The following ZNF570 variants were observed in gnomAD, a reference collection of about 807,000 sequenced individuals.
ZNF570 encodes the protein zinc finger protein 570.
Under a neutral mutation model 14.2 loss-of-function variants are expected in ZNF570, and 8 were observed. The observed-to-expected ratio is 0.56, with a 90% CI of 0.33 to 1.02. ZNF570 has a LOEUF of 1.02. Among genes scored for constraint, ZNF570 ranks in the 50% least tolerant of loss-of-function variants. The pLI, the probability that ZNF570 is intolerant of heterozygous loss-of-function variation, is 0.03. For missense variants in ZNF570, 559 were observed against 624.9 expected (o/e 0.89, Z 1.12); for synonymous variants, 202 against 207.6 (o/e 0.97, Z 0.23).
At chr19:37,476,300 A>G (rs1406709064) in intron 3 of ZNF570, 39 bp from the exon 4 acceptor site, 2 of 1,607,856 alleles carry the variant, frequency 1.2e-6, no homozygotes, top group Admixed American at 3.4e-5. Flanking sequence ...GAATATCCAC[A>G]GCATGACAAA....
In ZNF570 at chr19:37,488,053, G is replaced by A. The variant is rs2042174859; in HGVS notation, c.*2820G>A. On this transcript the variant is annotated 3_prime_UTR_variant, in exon 5 of 5. Transcript: ENST00000330173. The stretch of plus-strand genomic sequence containing the variant: ...GTTGTGTTTAGCATAATTTGGCAAT[G>A]TCTAGTAAAGTTGAAGATGTGAATA... 6.6e-6 allele frequency: 1 copy of A among 152,216 alleles called. No homozygotes were observed. Among genetic ancestry groups the A allele is most frequent in the Non-Finnish European group, 1.5e-5 (1 of 68,040 alleles). The allele number at this position is 152,216 out of a possible 1,614,324, so 9.4% of individuals were successfully genotyped here. A position where few individuals can be genotyped will look rare whatever the true frequency, so the allele number is the denominator to read the frequency against.
chr19:37,474,974 T>G (rs913482047), intron 2 of ZNF570, among the ~76,000 whole-genome samples: 22 of 151,424 alleles, frequency 1.5e-4, no homozygotes, highest in African/African-American at 2.7e-4. Flanking sequence ...TTTGTTTTTT[T>G]TTTTTTTGAG....
intron 2 of ZNF570, among the ~76,000 whole-genome samples, chr19:37,475,198 A>G (rs1361644231): frequency 6.6e-6 from 1 of 152,096 alleles, no homozygotes; most frequent in East Asian, 1.9e-4. Flanking sequence ...TCCTAAACTC[A>G]GGTGATCCAC....
chr19:37,469,399 G>T lies in ZNF570; in HGVS notation c.-210G>T. The T allele has an allele frequency of 6.6e-7, 1 of 1,513,872 alleles. No individual in the cohort carries two copies. The highest frequency in any genetic ancestry group is 8.8e-7 in the Non-Finnish European group (1 of 1,133,130). The allele number at this position is 1,513,872 out of a possible 1,614,324, so 93.8% of individuals were successfully genotyped here. ...AAGGGCTGGGTTCCATCCAACTAAG[G>T]GTAGCGGTGAGACCCGAGTGCAGAT... On this transcript the variant is annotated 5_prime_UTR_variant, in exon 1 of 5. Coordinates refer to ENST00000330173, the MANE Select transcript of ZNF570 (RefSeq NM_144694.5).
intron 2 of ZNF570, among the ~76,000 whole-genome samples, chr19:37,470,780 A>T (rs1238195526): frequency 1.4e-5 from 2 of 147,278 alleles, no homozygotes; most frequent in Non-Finnish European, 3.0e-5. Context: ...GCTCACGGCA[A>T]CATCCACCTC....
intron 2 of ZNF570, among the ~76,000 whole-genome samples, chr19:37,472,566 C>T (rs552872405): frequency 6.6e-6 from 1 of 151,954 alleles, no homozygotes; most frequent in East Asian, 1.9e-4. Flanking sequence ...CATGCAGAAA[C>T]CCCGTCTCTA....
At chr19:37,483,054 G>A (rs781611115) in intron 4 of ZNF570, among the ~76,000 whole-genome samples, 4 of 151,976 alleles carry the variant, frequency 2.6e-5, no homozygotes, top group East Asian at 1.9e-4. Flanking sequence ...CTAATACACC[G>A]TCCCTCTCAG....
chr19:37,487,834 G>A lies in ZNF570; in HGVS notation c.*2601G>A, dbSNP rs1001978196. 6.6e-6 allele frequency: 1 copy of A among 152,146 alleles called. No homozygotes were observed. The highest frequency in any genetic ancestry group is 2.4e-5 in the African/African-American group (1 of 41,438). The allele number at this position is 152,146 out of a possible 1,614,324, so 9.4% of individuals were successfully genotyped here. On this transcript the variant is annotated 3_prime_UTR_variant, in exon 5 of 5. Transcript: ENST00000330173. ...TTTGTAGAAACTGCATATGATGATG[G>A]TTCATACCAGTAGAGAGAAAGATTG...
At chr19:37,472,509 G>C (rs552512437) in intron 2 of ZNF570, among the ~76,000 whole-genome samples, 1 of 152,168 alleles carries the variant, frequency 6.6e-6, no homozygotes, top group South Asian at 2.1e-4. Context: ...TGGAGACCGA[G>C]GTGGGCGGAT....
chr19:37,472,395 GT>G (rs2041976336), intron 2 of ZNF570, among the ~76,000 whole-genome samples: 1 of 150,972 alleles, frequency 6.6e-6, no homozygotes, highest in African/African-American at 2.4e-5. Context: ...ATAGGCGGGG[GT>G]GGGTGGAAGT....
At chr19:37,472,200 G>A (rs957889277) in intron 2 of ZNF570, among the ~76,000 whole-genome samples, 3 of 151,918 alleles carry the variant, frequency 2.0e-5, no homozygotes, top group Admixed American at 6.6e-5. Flanking sequence ...CATCGCACTC[G>A]GCCCAGAGAA....
chr19:37,477,288 C>CGTGT (rs71177457), intron 4 of ZNF570, among the ~76,000 whole-genome samples: 5,689 of 115,366 alleles, frequency 0.049, 255 homozygotes, highest in African/African-American at 0.12. Context: ...GGGAGGTTGT[C>CGTGT]GTGTGTGTGT....
rs1403087116 is a variant in ZNF570 at position 37,484,451 on chromosome 19, A to T, written c.829A>T (p.Lys277Ter). 2 of 1,614,016 alleles carry T rather than the reference A, an allele frequency of 1.2e-6. No homozygotes were observed. Among genetic ancestry groups the T allele is most frequent in the Non-Finnish European group, 1.7e-6 (2 of 1,179,978 alleles). The change falls in exon 5 of 5, where the codon AAG becomes TAG. Residue 277 changes from lysine to a stop codon, truncating the protein, a stop_gained. Transcript: ENST00000330173. LOFTEE classifies it low-confidence loss of function (END_TRUNC). ...TACTGGAGAAAAACCCTATGAATGT[A>T]AGGAATGTAGGAAAGCCTTCAGTCA... ...IHTGEKPYEC[K>*]ECRKAFSQNA...
chr19:37,471,597 C>T (rs970451498), intron 2 of ZNF570, among the ~76,000 whole-genome samples: 1 of 152,126 alleles, frequency 6.6e-6, no homozygotes. Context: ...CAGCCCAGAC[C>T]TCTCTCTTGA....
At position 37,485,059 on chromosome 19, in the gene ZNF570, T is replaced by TA. The variant is rs1568773548; in HGVS notation, c.1438dup (p.Ser480LysfsTer20). The TA allele has an allele frequency of 6.2e-7, 1 of 1,614,034 alleles. No individual in the cohort carries two copies. Among genetic ancestry groups the TA allele is most frequent in the Admixed American group, 1.7e-5 (1 of 60,010 alleles). On this transcript the variant is annotated frameshift_variant, in exon 5 of 5. Transcript: ENST00000330173. LOFTEE classifies it high-confidence loss of function. ...AATGTACTGTTTGTGGAAAGGCTTT[T>TA]AGTTACTGTGGATCCCTTGCCCAAC...
At chr19:37,483,419 T>C (rs1055006677) in intron 4 of ZNF570, among the ~76,000 whole-genome samples, 2 of 152,190 alleles carry the variant, frequency 1.3e-5, no homozygotes, top group Non-Finnish European at 2.9e-5. Flanking sequence ...AAAATGAAAT[T>C]TACTTATTTA....
intron 4 of ZNF570, among the ~76,000 whole-genome samples, chr19:37,477,808 T>C (rs1452661713): frequency 1.3e-5 from 2 of 152,346 alleles, no homozygotes; most frequent in South Asian, 2.1e-4. Context: ...CTGTATCTTA[T>C]GGAAAACCAA....
At chr19:37,469,579 G>A (rs2041919059) in intron 1 of ZNF570, 22 bp downstream of exon 1, 3 of 1,534,610 alleles carry the variant, frequency 2.0e-6, no homozygotes, top group African/African-American at 2.7e-5. Flanking sequence ...TCAGTGCGAG[G>A]CTGTCACCCC....
Position 37,475,874 on chromosome 19 carries a change from A to C in ZNF570, c.34-7A>C. The C allele has an allele frequency of 1.2e-6, 2 of 1,608,446 alleles. No individual in the cohort carries two copies. The highest frequency in any genetic ancestry group is 2.2e-5 in the East Asian group (1 of 44,832). On this transcript the variant is annotated splice_polypyrimidine_tract_variant and splice_region_variant and intron_variant, in intron 2 of 4. Coordinates refer to ENST00000330173, the MANE Select transcript of ZNF570 (RefSeq NM_144694.5). ...GAGATAAGGTTCTTCCATTTATTTC[A>C]TTTCAGGAGTTGGTGACCTTCAGAG...
Sources: allele counts gnomAD v4.1 joint callset (sites outside exome capture counted in the v4.1 genomes callset), GRCh38; gene constraint gnomAD v4.1.1; transcripts MANE v1.5; gene names NCBI Gene and HGNC (gene_info 2026-07-23, HGNC 2026-07-21).